The following SLC12A1 variants were observed in gnomAD, a reference collection of about 807,000 sequenced individuals.
SLC12A1 encodes solute carrier family 12 member 1, also known as Na-K-2Cl cotransporter.
SLC12A1 carries 89 observed loss-of-function variants against 130.4 expected under a neutral mutation model. That is an observed-to-expected ratio of 0.68 (90% CI 0.58 to 0.81). The LOEUF is 0.81. Among genes scored for constraint, SLC12A1 ranks in the 40% least tolerant of loss-of-function variants. The pLI is 0.00. For missense variants in SLC12A1, 1,310 were observed against 1,336.4 expected, an observed-to-expected ratio of 0.98 and a Z score of 0.31; for synonymous variants, 499 against 460.0, an observed-to-expected ratio of 1.08 and a Z score of -1.09.
intron 9 of SLC12A1, among the ~76,000 whole-genome samples, chr15:48,240,052 T>TATATATATATATATATATCC (rs1567316923): frequency 1.2e-4 from 4 of 32,822 alleles, no homozygotes; most frequent in African/African-American, 2.4e-4. Flanking sequence ...TATATATCCA[T>TATATATATATATATATATCC]ATATATATAT....
chr15:48,255,580 G>T (rs557476715), intron 15 of SLC12A1, among the ~76,000 whole-genome samples: 1 of 152,344 alleles, frequency 6.6e-6, no homozygotes, highest in South Asian at 2.1e-4. Flanking sequence ...CAGTTGTACA[G>T]TCTGATCCTT....
intron 21 of SLC12A1, 42 bp downstream of exon 21, chr15:48,285,291 G>C (rs1351738210): frequency 6.3e-7 from 1 of 1,594,316 alleles, no homozygotes; most frequent in East Asian, 2.2e-5. Context: ...TACAAGATGA[G>C]TCACTATTTG....
chr15:48,212,504 C>T (rs906032808), intron 2 of SLC12A1, among the ~76,000 whole-genome samples: 2 of 152,164 alleles, frequency 1.3e-5, no homozygotes, highest in African/African-American at 4.8e-5. Flanking sequence ...TATTTGACAT[C>T]TGGCAAAGAT....
At chr15:48,208,164 T>A in intron 2 of SLC12A1, 25 bp downstream of exon 2, 1 of 1,540,948 alleles carries the variant, frequency 6.5e-7, no homozygotes, top group Non-Finnish European at 8.7e-7. Context: ...CACAAGCAAG[T>A]CTCCTCCCTT....
intron 20 of SLC12A1, among the ~76,000 whole-genome samples, chr15:48,279,775 A>G (rs1045108359): frequency 6.6e-6 from 1 of 152,244 alleles, no homozygotes; most frequent in Non-Finnish European, 1.5e-5. Context: ...TAAGTACAGC[A>G]TGATTTGTGA....
intron 15 of SLC12A1, among the ~76,000 whole-genome samples, chr15:48,254,145 T>A (rs1566842619): frequency 6.6e-6 from 1 of 152,110 alleles, no homozygotes; most frequent in Non-Finnish European, 1.5e-5. Context: ...TTTTGTGAAG[T>A]CTAATTTATC....
intron 5 of SLC12A1, chr15:48,227,279 T>C: frequency 1.1e-6 from 1 of 876,742 alleles, no homozygotes; most frequent in African/African-American, 1.7e-5. Context: ...TAGTCCCCAG[T>C]GTCCTAAACA....
At chr15:48,235,085 G>T in intron 9 of SLC12A1, 81 bp downstream of exon 9, 1 of 1,366,964 alleles carries the variant, frequency 7.3e-7, no homozygotes. Context: ...GAGGTTAGAT[G>T]TGACCATATT....
chr15:48,210,179 A>T (rs908554685), intron 2 of SLC12A1, among the ~76,000 whole-genome samples: 1 of 152,232 alleles, frequency 6.6e-6, no homozygotes, highest in Admixed American at 6.5e-5. Context: ...AGACATGGAA[A>T]GGGCAGAAAC....
At chr15:48,215,006 T>A (rs995078433) in intron 2 of SLC12A1, among the ~76,000 whole-genome samples, 6 of 151,378 alleles carry the variant, frequency 4.0e-5, no homozygotes, top group African/African-American at 1.5e-4. Context: ...TTCAAAAGAA[T>A]GTATAAGTAG....
chr15:48,265,114 T>G (rs1483476357), intron 17 of SLC12A1, among the ~76,000 whole-genome samples: 1 of 152,218 alleles, frequency 6.6e-6, no homozygotes, highest in Admixed American at 6.5e-5. Context: ...TAGTTTGCTT[T>G]ATTCTTACCA....
intron 20 of SLC12A1, 69 bp from the exon 21 acceptor site, chr15:48,285,037 G>A: frequency 8.1e-7 from 1 of 1,231,248 alleles, no homozygotes; most frequent in Non-Finnish European, 1.1e-6. Context: ...AATATTAAAA[G>A]TTTATAAGAT....
chr15:48,228,956 GT>G, intron 5 of SLC12A1: 1 of 378,196 alleles, frequency 2.6e-6, no homozygotes, highest in Admixed American at 4.3e-5. Context: ...TTACATTTAT[GT>G]TTTAATAGAG....
intron 20 of SLC12A1, among the ~76,000 whole-genome samples, chr15:48,282,394 C>T (rs1255220767): frequency 6.6e-6 from 1 of 152,118 alleles, no homozygotes; most frequent in Non-Finnish European, 1.5e-5. Flanking sequence ...GACTCCATTA[C>T]AAAAGAGGAT....
At chr15:48,214,727 G>A (rs982158843) in intron 2 of SLC12A1, among the ~76,000 whole-genome samples, 1 of 151,956 alleles carries the variant, frequency 6.6e-6, no homozygotes, top group African/African-American at 2.4e-5. Flanking sequence ...GTTCTTACTG[G>A]GATTGGTTTT....
At chr15:48,235,813 C>T (rs1353891210) in intron 9 of SLC12A1, among the ~76,000 whole-genome samples, 9 of 152,020 alleles carry the variant, frequency 5.9e-5, no homozygotes, top group African/African-American at 1.7e-4. Context: ...TTTGTTTCAC[C>T]GTTACTTTGG....
intron 5 of SLC12A1, chr15:48,227,465 G>C (rs16960682): frequency 0.029 from 11,003 of 375,746 alleles, 727 homozygotes; most frequent in East Asian, 0.25. Context: ...TTGTACCTTG[G>C]ATGAGACCCA....
At chr15:48,259,893 G>A (rs548727899) in intron 17 of SLC12A1, among the ~76,000 whole-genome samples, 1 of 152,222 alleles carries the variant, frequency 6.6e-6, no homozygotes, top group South Asian at 2.1e-4. Flanking sequence ...TTTCCTAAGA[G>A]GTATTCAAAA....
rs917378719 is a variant in SLC12A1, at chr15:48,246,984, G to A, written c.1528G>A (p.Ala510Thr). Residue 510 changes from alanine (A) to threonine (T), a missense_variant, in exon 12 of 27, where the codon GCC becomes ACC. Transcript: ENST00000380993. ...TTCTGCAACACTCTCCTCCGCCCTGGCCTCCCTTGTCAGCGCACCCAAAGT... is the reference window on the plus strand; with the variant it reads ...TTCTGCAACACTCTCCTCCGCCCTGACCTCCCTTGTCAGCGCACCCAAAGT... ...IFSATLSSAL[A>T]SLVSAPKVFQ... The A allele has an allele frequency of 8.1e-6, 13 of 1,613,762 alleles. No individual in the cohort carries two copies. The Admixed American group carries it at 1.2e-4, about 14-fold the overall frequency.
Sources: gnomAD v4.1 joint callset for allele counts (sites outside exome capture counted in the v4.1 genomes callset) on GRCh38, gnomAD v4.1.1 for gene constraint, MANE v1.5 for transcripts, NCBI Gene and HGNC (gene_info 2026-07-23, HGNC 2026-07-21) for gene names.